The following SHISA6 variants were observed in gnomAD, a reference collection of about 807,000 sequenced individuals.
SHISA6 encodes the protein protein shisa-6.
A neutral mutation model predicts 47.9 loss-of-function variants in SHISA6; 22 were observed. The observed-to-expected ratio is 0.46, with a 90% CI of 0.33 to 0.66. SHISA6 has a LOEUF of 0.66. Among genes scored for constraint, SHISA6 ranks in the 30% least tolerant of loss-of-function variants. The pLI, the probability that SHISA6 is intolerant of heterozygous loss-of-function variation, is 0.02. For missense variants in SHISA6, 680 were observed against 764.6 expected (o/e 0.89, Z 1.30); for synonymous variants, 388 against 337.8 (o/e 1.15, Z -1.63).
intron 3 of SHISA6, among the ~76,000 whole-genome samples, chr17:11,537,397 C>G (rs891441957): frequency 2.0e-5 from 3 of 152,102 alleles, no homozygotes; most frequent in Non-Finnish European, 2.9e-5. Flanking sequence ...AGTCAAAGGC[C>G]TGCCTCTGTG....
intron 2 of SHISA6, among the ~76,000 whole-genome samples, chr17:11,328,377 C>T (rs554386446): frequency 3.3e-4 from 50 of 152,314 alleles, no homozygotes; most frequent in Non-Finnish European, 6.8e-4. Context: ...TGGGGCTAGC[C>T]TTGGAAGCAT....
intron 3 of SHISA6, among the ~76,000 whole-genome samples, chr17:11,509,237 G>GC (rs2071524044): frequency 1.3e-5 from 2 of 152,174 alleles, no homozygotes; most frequent in African/African-American, 2.4e-5. Flanking sequence ...TACCATTGGA[G>GC]CCCCCTCCTT....
intron 2 of SHISA6, among the ~76,000 whole-genome samples, chr17:11,325,887 A>G (rs181880246): frequency 1.2e-3 from 180 of 152,304 alleles, no homozygotes; most frequent in Admixed American, 2.2e-3. Context: ...CCAAAAAACA[A>G]TAATGGGGAC....
intron 2 of SHISA6, among the ~76,000 whole-genome samples, chr17:11,271,500 T>C (rs932448368): frequency 2.6e-5 from 4 of 151,756 alleles, no homozygotes; most frequent in Non-Finnish European, 5.9e-5. Context: ...TGCAGTGGCG[T>C]GATCTCAGCT....
At chr17:11,388,070 G>C (rs1273782964) in intron 3 of SHISA6, among the ~76,000 whole-genome samples, 1 of 152,158 alleles carries the variant, frequency 6.6e-6, no homozygotes, top group African/African-American at 2.4e-5. Context: ...ACCAGGATTT[G>C]GGCAAGAACC....
At chr17:11,525,295 C>G (rs1315174280) in intron 3 of SHISA6, among the ~76,000 whole-genome samples, 1 of 152,092 alleles carries the variant, frequency 6.6e-6, no homozygotes, top group Non-Finnish European at 1.5e-5. Context: ...GAGATGTACA[C>G]TTATTGGTAC....
chr17:11,451,175 G>A (rs1305478540), intron 3 of SHISA6, among the ~76,000 whole-genome samples: 9 of 152,110 alleles, frequency 5.9e-5, no homozygotes, highest in Admixed American at 1.3e-4. Flanking sequence ...TCTCAAATGC[G>A]TGGTTTTACC....
chr17:11,376,910 AAG>A (rs1912821299), intron 2 of SHISA6, among the ~76,000 whole-genome samples: 1 of 152,238 alleles, frequency 6.6e-6, no homozygotes, highest in South Asian at 2.1e-4. Context: ...TGTGCCATCC[AAG>A]AGAGTGTGGT....
intron 3 of SHISA6, among the ~76,000 whole-genome samples, chr17:11,422,308 G>A (rs924072108): frequency 6.6e-6 from 1 of 152,162 alleles, no homozygotes; most frequent in Non-Finnish European, 1.5e-5. Flanking sequence ...AGAGGCAAGA[G>A]GGATGCACAG....
intron 3 of SHISA6, among the ~76,000 whole-genome samples, chr17:11,443,393 T>G (rs2142299234): frequency 6.6e-6 from 1 of 152,296 alleles, no homozygotes; most frequent in South Asian, 2.1e-4. Context: ...TGCAATATAT[T>G]ATGATTTGTG....
intron 3 of SHISA6, among the ~76,000 whole-genome samples, chr17:11,534,165 T>C (rs1203588521): frequency 1.3e-5 from 2 of 149,436 alleles, no homozygotes; most frequent in African/African-American, 2.4e-5. Flanking sequence ...TTCTTTTTTT[T>C]TTTTTTTTTT....
At chr17:11,552,023 T>G (rs1597583192) in intron 4 of SHISA6, 71 bp downstream of exon 4, 2 of 1,438,804 alleles carry the variant, frequency 1.4e-6, no homozygotes, top group East Asian at 2.5e-5. Context: ...GATGGATGCC[T>G]ATCAGGGCAT....
At chr17:11,244,102 A>G (rs951828692) in intron 1 of SHISA6, among the ~76,000 whole-genome samples, 1 of 152,076 alleles carries the variant, frequency 6.6e-6, no homozygotes, top group African/African-American at 2.4e-5. Context: ...GGTGAAGGTG[A>G]TTACGGCATT....
intron 2 of SHISA6, among the ~76,000 whole-genome samples, chr17:11,300,543 T>G (rs1439387287): frequency 6.6e-6 from 1 of 152,232 alleles, no homozygotes; most frequent in African/African-American, 2.4e-5. Context: ...TAAGTTTTCA[T>G]CTGGGTGTCA....
chr17:11,274,945 G>A (rs1908828774), intron 2 of SHISA6, among the ~76,000 whole-genome samples: 2 of 152,138 alleles, frequency 1.3e-5, no homozygotes, highest in South Asian at 4.1e-4. Context: ...CTGGAGGATG[G>A]AAAACGGGGG....
intron 2 of SHISA6, among the ~76,000 whole-genome samples, chr17:11,355,445 GGT>G (rs1912049603): frequency 6.6e-6 from 1 of 152,126 alleles, no homozygotes; most frequent in Non-Finnish European, 1.5e-5. Context: ...CAATTTACTT[GGT>G]TCAAGAGATT....
At chr17:11,513,213 T>C (rs1196199121) in intron 3 of SHISA6, among the ~76,000 whole-genome samples, 1 of 150,088 alleles carries the variant, frequency 6.7e-6, no homozygotes, top group Non-Finnish European at 1.5e-5. Context: ...TATATATGTA[T>C]GTGTTATATA....
At chr17:11,416,945 T>C (rs1914298051) in intron 3 of SHISA6, among the ~76,000 whole-genome samples, 1 of 152,128 alleles carries the variant, frequency 6.6e-6, no homozygotes, top group Non-Finnish European at 1.5e-5. Flanking sequence ...TTTACACAGA[T>C]AGTAAAGTGA....
At chr17:11,312,407 A>G (rs368951636) in intron 2 of SHISA6, among the ~76,000 whole-genome samples, 2 of 152,146 alleles carry the variant, frequency 1.3e-5, no homozygotes, top group Admixed American at 1.3e-4. Context: ...TAATTAGTCA[A>G]TTTGTTTACC....
Sources: allele counts gnomAD v4.1 joint callset (sites outside exome capture counted in the v4.1 genomes callset), GRCh38; gene constraint gnomAD v4.1.1; transcripts MANE v1.5; gene names NCBI Gene and HGNC (gene_info 2026-07-23, HGNC 2026-07-21).